Variants in UHRF2 observed in about 807,000 individuals in gnomAD.
UHRF2 encodes the protein E3 ubiquitin-protein ligase UHRF2.
Under a neutral mutation model 96.8 loss-of-function variants are expected in UHRF2, and 23 were observed. That is an observed-to-expected ratio of 0.24 (90% CI 0.17 to 0.34). UHRF2 has a LOEUF of 0.34. UHRF2 is among the 10% of genes least tolerant of loss of function. The pLI is 1.00. For synonymous variants in UHRF2, 385 were observed against 332.6 expected (o/e 1.16, Z -1.72); for missense variants, 685 against 981.5 (o/e 0.70, Z 4.04).
At chr9:6,491,024 G>A (rs1190819223) in intron 9 of UHRF2, among the ~76,000 whole-genome samples, 2 of 152,216 alleles carry the variant, frequency 1.3e-5, no homozygotes, top group African/African-American at 2.4e-5. Flanking sequence ...CTGTCTGGGT[G>A]AATGGATGTA....
intron 1 of UHRF2, among the ~76,000 whole-genome samples, chr9:6,418,362 G>C (rs1819735414): frequency 6.6e-6 from 1 of 150,962 alleles, no homozygotes; most frequent in South Asian, 2.1e-4. Context: ...GGCTTATTTA[G>C]AGTAAGCATG....
At chr9:6,429,364 A>G (rs1229449162) in intron 2 of UHRF2, among the ~76,000 whole-genome samples, 1 of 152,234 alleles carries the variant, frequency 6.6e-6, no homozygotes, top group Admixed American at 6.5e-5. Context: ...TAAACAGCTA[A>G]TGTTTACCAG....
intron 9 of UHRF2, among the ~76,000 whole-genome samples, chr9:6,489,449 C>T (rs1053235641): frequency 6.6e-6 from 1 of 152,194 alleles, no homozygotes; most frequent in Admixed American, 6.5e-5. Flanking sequence ...ATTCCTGGGT[C>T]ATATGTGGCA....
intron 3 of UHRF2, among the ~76,000 whole-genome samples, chr9:6,460,329 C>T (rs1034817708): frequency 6.6e-6 from 1 of 152,112 alleles, no homozygotes; most frequent in Admixed American, 6.6e-5. Context: ...TGAAGAGATC[C>T]ACATCTCCAA....
chr9:6,451,856 T>G (rs535103344), intron 3 of UHRF2, among the ~76,000 whole-genome samples: 1 of 151,912 alleles, frequency 6.6e-6, no homozygotes, highest in South Asian at 2.1e-4. Flanking sequence ...CGATCTGGGC[T>G]CACTGCAGTC....
chr9:6,456,816 C>T (rs1459411637), intron 3 of UHRF2, among the ~76,000 whole-genome samples: 2 of 152,098 alleles, frequency 1.3e-5, no homozygotes, highest in African/African-American at 4.8e-5. Flanking sequence ...TTGTTTTTGT[C>T]AGGATTGTCA....
intron 3 of UHRF2, among the ~76,000 whole-genome samples, chr9:6,453,703 G>A (rs556675102): frequency 6.6e-6 from 1 of 152,178 alleles, no homozygotes; most frequent in Non-Finnish European, 1.5e-5. Context: ...AGGAGATTGA[G>A]ACCATCCTGG....
At chr9:6,476,568 T>G (rs1823585090) in intron 5 of UHRF2, among the ~76,000 whole-genome samples, 1 of 152,188 alleles carries the variant, frequency 6.6e-6, no homozygotes, top group Non-Finnish European at 1.5e-5. Flanking sequence ...CTAGGTCTTT[T>G]AATTCATGAT....
At chr9:6,430,766 T>TA (rs1218358587) in intron 2 of UHRF2, among the ~76,000 whole-genome samples, 1 of 152,128 alleles carries the variant, frequency 6.6e-6, no homozygotes. Context: ...GAAAACACAA[T>TA]AAAGGCTCTG....
intron 6 of UHRF2, among the ~76,000 whole-genome samples, chr9:6,479,647 T>G (rs1367757590): frequency 1.3e-5 from 2 of 152,216 alleles, no homozygotes; most frequent in Non-Finnish European, 2.9e-5. Flanking sequence ...GTTAGTTGAC[T>G]GGGACCACAA....
At chr9:6,445,963 T>C (rs1476495232) in intron 3 of UHRF2, among the ~76,000 whole-genome samples, 5 of 62,700 alleles carry the variant, frequency 8.0e-5, no homozygotes, top group Non-Finnish European at 2.0e-4. Context: ...TGGTAAATAC[T>C]CTTCCCCCCC....
intron 5 of UHRF2, among the ~76,000 whole-genome samples, chr9:6,477,211 G>A (rs146053564): frequency 0.014 from 2,154 of 151,776 alleles, 48 homozygotes; most frequent in African/African-American, 0.049. Context: ...TCCAGCCTGG[G>A]TGACAGAGTG....
intron 2 of UHRF2, among the ~76,000 whole-genome samples, chr9:6,429,605 AC>A: frequency 6.6e-6 from 1 of 152,344 alleles, no homozygotes; most frequent in African/African-American, 2.4e-5. Flanking sequence ...TGCTGGAATT[AC>A]AGGCATGAGC....
intron 1 of UHRF2, 127 bp from the exon 2 acceptor site, chr9:6,420,785 G>A (rs1386293604): frequency 5.8e-6 from 4 of 689,588 alleles, no homozygotes; most frequent in Non-Finnish European, 1.0e-5. Flanking sequence ...TAAGTATTAA[G>A]AATGGTTTTA....
At chr9:6,436,453 A>G (rs541965915) in intron 3 of UHRF2, among the ~76,000 whole-genome samples, 34 of 152,360 alleles carry the variant, frequency 2.2e-4, no homozygotes, top group African/African-American at 7.9e-4. Flanking sequence ...GCTGTGTCAA[A>G]ACAGGTAAAT....
intron 8 of UHRF2, among the ~76,000 whole-genome samples, chr9:6,486,535 C>G (rs1824299906): frequency 6.6e-6 from 1 of 152,178 alleles, no homozygotes; most frequent in South Asian, 2.1e-4. Context: ...TGATTATTTA[C>G]TAGTTATTGT....
chr9:6,464,513 T>C (rs1005936030), intron 4 of UHRF2, among the ~76,000 whole-genome samples: 11 of 152,216 alleles, frequency 7.2e-5, no homozygotes, highest in African/African-American at 2.7e-4. Context: ...GATACTCTTG[T>C]ATTACCTTCT....
At chr9:6,501,182 A>G (rs1175139791) in intron 14 of UHRF2, among the ~76,000 whole-genome samples, 1 of 152,186 alleles carries the variant, frequency 6.6e-6, no homozygotes, top group Non-Finnish European at 1.5e-5. Context: ...AATTAATCAC[A>G]TAATTTTAAA....
intron 7 of UHRF2, 106 bp from the exon 8 acceptor site, chr9:6,481,886 A>C (rs1278576560): frequency 6.5e-7 from 1 of 1,534,622 alleles, no homozygotes; most frequent in Non-Finnish European, 8.8e-7. Context: ...TATCAATGGT[A>C]CTTAAATTAC....
Sources: gnomAD v4.1 joint callset for allele counts (sites outside exome capture counted in the v4.1 genomes callset) on GRCh38, gnomAD v4.1.1 for gene constraint, MANE v1.5 for transcripts, NCBI Gene and HGNC (gene_info 2026-07-23, HGNC 2026-07-21) for gene names.